The following CNTN6 variants were observed in gnomAD, a reference collection of about 807,000 sequenced individuals.
CNTN6 encodes contactin-6.
A neutral mutation model predicts 122.8 loss-of-function variants in CNTN6; 137 were observed. The ratio of observed to expected loss-of-function variants is 1.12; its 90% confidence interval spans 0.97 to 1.29. The LOEUF is 1.29. CNTN6 is among the 50% of genes most tolerant of loss of function. The pLI is 0.00. For synonymous variants in CNTN6, 570 were observed against 426.0 expected, an observed-to-expected ratio of 1.34 and a Z score of -4.16; for missense variants, 1,634 against 1,223.4, an observed-to-expected ratio of 1.34 and a Z score of -5.01.
intron 1 of CNTN6, among the ~76,000 whole-genome samples, chr3:1,140,813 G>A (rs957710503): frequency 1.3e-5 from 2 of 152,140 alleles, no homozygotes; most frequent in Non-Finnish European, 2.9e-5. Flanking sequence ...TCTAGGAAAA[G>A]CAGTACTGCT....
intron 20 of CNTN6, among the ~76,000 whole-genome samples, chr3:1,401,045 G>A (rs1183270555): frequency 6.6e-6 from 1 of 152,084 alleles, no homozygotes; most frequent in Non-Finnish European, 1.5e-5. Context: ...ACATCTATGT[G>A]TTGATATATA....
At chr3:1,289,525 C>T (rs993901838) in intron 5 of CNTN6, among the ~76,000 whole-genome samples, 3 of 151,570 alleles carry the variant, frequency 2.0e-5, no homozygotes, top group African/African-American at 7.3e-5. Flanking sequence ...AATGTATAAA[C>T]TAAGAGACAG....
chr3:1,238,100 T>C (rs1028395101), intron 4 of CNTN6, among the ~76,000 whole-genome samples: 2 of 151,638 alleles, frequency 1.3e-5, no homozygotes, highest in Non-Finnish European at 2.9e-5. Flanking sequence ...AATACTAACA[T>C]AGAAAGTGAA....
chr3:1,301,218 G>A (rs1697356304), intron 7 of CNTN6, among the ~76,000 whole-genome samples: 1 of 151,858 alleles, frequency 6.6e-6, no homozygotes, highest in Non-Finnish European at 1.5e-5. Context: ...TGTATTTATA[G>A]TAGAGGCGGA....
chr3:1,239,597 C>T (rs1466586309), intron 4 of CNTN6, among the ~76,000 whole-genome samples: 2 of 152,112 alleles, frequency 1.3e-5, no homozygotes, highest in East Asian at 3.9e-4. Context: ...GACCACACTG[C>T]CAAAAGCAAT....
intron 12 of CNTN6, among the ~76,000 whole-genome samples, chr3:1,369,294 A>G (rs932160249): frequency 6.6e-6 from 1 of 152,058 alleles, no homozygotes; most frequent in Admixed American, 6.6e-5. Context: ...CTGTATAGTA[A>G]CTAATATGAT....
intron 1 of CNTN6, among the ~76,000 whole-genome samples, chr3:1,112,377 T>C (rs1214957963): frequency 6.6e-6 from 1 of 152,164 alleles, no homozygotes; most frequent in Non-Finnish European, 1.5e-5. Context: ...CTTGGGATGC[T>C]GGTAGCCTGG....
intron 1 of CNTN6, among the ~76,000 whole-genome samples, chr3:1,097,660 C>T (rs1025531274): frequency 4.6e-5 from 7 of 152,196 alleles, no homozygotes; most frequent in African/African-American, 1.7e-4. Context: ...ACTTCAGTTT[C>T]CCCATTCATA....
chr3:1,299,075 T>C (rs1234417086), intron 7 of CNTN6, among the ~76,000 whole-genome samples: 1 of 152,208 alleles, frequency 6.6e-6, no homozygotes, highest in Non-Finnish European at 1.5e-5. Flanking sequence ...TATCTTTGAA[T>C]GAAATTTCTC....
At chr3:1,360,556 T>C (rs1707304658) in intron 12 of CNTN6, among the ~76,000 whole-genome samples, 1 of 152,126 alleles carries the variant, frequency 6.6e-6, no homozygotes, top group Non-Finnish European at 1.5e-5. Flanking sequence ...TACATGTATA[T>C]TCTATACACA....
chr3:1,294,147 G>C (rs1695805822), intron 5 of CNTN6, among the ~76,000 whole-genome samples: 1 of 152,122 alleles, frequency 6.6e-6, no homozygotes, highest in Admixed American at 6.6e-5. Context: ...TCTTAGACAA[G>C]GATGCTTATT....
In CNTN6 at chr3:1,358,190, C is replaced by A. The variant is rs187638100; in HGVS notation, c.1492+5739C>A. On this transcript the variant is annotated intron_variant, in intron 12 of 22. Transcript: ENST00000446702. ...TTATTAAAATAAAAAAACACTTCAA[C>A]CGATACGTTTATTCTGCAGGTAACT... is the stretch of plus-strand genomic sequence containing the variant. Among the ~76,000 whole-genome samples, 388 of 151,978 alleles carry A rather than the reference C, an allele frequency of 2.6e-3. 1 individual carries two copies. Among genetic ancestry groups the A allele is most frequent in the African/African-American group, 8.6e-3 (358 of 41,516 alleles).
intron 4 of CNTN6, among the ~76,000 whole-genome samples, chr3:1,261,982 C>T (rs1276894441): frequency 2.0e-5 from 3 of 151,972 alleles, no homozygotes; most frequent in South Asian, 4.2e-4. Flanking sequence ...ACTGGATATG[C>T]GACTGGACTG....
chr3:1,282,280 A>G (rs1693600886), intron 5 of CNTN6, among the ~76,000 whole-genome samples: 1 of 152,196 alleles, frequency 6.6e-6, no homozygotes, highest in Admixed American at 6.5e-5. Context: ...CCCAGTTTTG[A>G]AGCACAGATG....
intron 2 of CNTN6, among the ~76,000 whole-genome samples, chr3:1,148,400 T>A (rs2092768441): frequency 6.6e-6 from 1 of 151,788 alleles, no homozygotes; most frequent in Admixed American, 6.6e-5. Context: ...CAATAAACAG[T>A]GAATAATTAT....
intron 4 of CNTN6, among the ~76,000 whole-genome samples, chr3:1,241,608 A>T (rs1263773648): frequency 2.6e-5 from 4 of 152,162 alleles, no homozygotes; most frequent in African/African-American, 9.7e-5. Context: ...CCAATTAGAG[A>T]GTGCCCAAGG....
At chr3:1,327,165 A>G (rs1288501459) in intron 9 of CNTN6, among the ~76,000 whole-genome samples, 1 of 151,936 alleles carries the variant, frequency 6.6e-6, no homozygotes, top group Non-Finnish European at 1.5e-5. Context: ...ACGGTGGAGT[A>G]TTCCAAATTA....
intron 1 of CNTN6, among the ~76,000 whole-genome samples, chr3:1,140,504 A>G (rs1465129079): frequency 6.6e-6 from 1 of 152,214 alleles, no homozygotes; most frequent in Non-Finnish European, 1.5e-5. Context: ...TTCCTCAGCT[A>G]TGAAAATAGA....
chr3:1,186,753 G>A (rs967636795), intron 2 of CNTN6, among the ~76,000 whole-genome samples: 1 of 151,846 alleles, frequency 6.6e-6, no homozygotes, highest in Non-Finnish European at 1.5e-5. Context: ...CTTTCTCAAT[G>A]GTTAAGTGGC....
Sources: allele counts gnomAD v4.1 joint callset (sites outside exome capture counted in the v4.1 genomes callset), GRCh38; gene constraint gnomAD v4.1.1; transcripts MANE v1.5; gene names NCBI Gene and HGNC (gene_info 2026-07-23, HGNC 2026-07-21).